PCDHA6: variants seen among roughly 807,000 people sequenced by gnomAD.
PCDHA6 encodes the protein protocadherin alpha 6.
A neutral mutation model predicts 60.3 loss-of-function variants in PCDHA6; 55 were observed. The observed-to-expected ratio is 0.91, with a 90% CI of 0.73 to 1.14. The LOEUF is 1.14. Among genes scored for constraint, PCDHA6 ranks in the 50% most tolerant of loss-of-function variants. PCDHA6 has a pLI of 0.00. For missense variants in PCDHA6, 1,327 were observed against 1,256.5 expected, an observed-to-expected ratio of 1.06 and a Z score of -0.85; for synonymous variants, 652 against 557.9, an observed-to-expected ratio of 1.17 and a Z score of -2.38.
At chr5:140,934,901 T>C (rs1270837168) in intron 1 of PCDHA6, among the ~76,000 whole-genome samples, 1 of 152,192 alleles carries the variant, frequency 6.6e-6, no homozygotes, top group African/African-American at 2.4e-5. Flanking sequence ...CCTTTTATTT[T>C]GGAATAATTA....
rs1358633051 is a variant in PCDHA6, at chr5:140,859,520, T to TA, written c.2394+29043dup. On this transcript the variant is annotated intron_variant, in intron 1 of 3. Coordinates refer to ENST00000529310, the MANE Select transcript of PCDHA6 (RefSeq NM_018909.4). ...TACCTGATACCCATGATTTCATTTT[T>TA]AAAAAAAATTTATTAATTCTAGTGT... 5.7e-5 allele frequency: 11 copies of TA among 194,288 alleles called. 2 individuals are homozygous for TA. The highest frequency in any genetic ancestry group is 1.0e-4 in the Non-Finnish European group (10 of 97,338). The allele number at this position is 194,288 out of a possible 1,614,324, so 12.0% of individuals were successfully genotyped here. A position where few individuals can be genotyped will look rare whatever the true frequency, so the allele number is the denominator to read the frequency against.
chr5:140,849,962 G>T, intron 1 of PCDHA6: 1 of 1,597,888 alleles, frequency 6.3e-7, no homozygotes, highest in Non-Finnish European at 8.6e-7. Flanking sequence ...AGAACGCCCT[G>T]GTGTCCTACT....
intron 1 of PCDHA6, chr5:140,851,169 T>C: frequency 1.6e-6 from 2 of 1,280,288 alleles, no homozygotes; most frequent in Non-Finnish European, 2.0e-6. Flanking sequence ...TATGCTGCCA[T>C]AACACTTGAA....
intron 3 of PCDHA6, among the ~76,000 whole-genome samples, chr5:141,001,760 G>A (rs2098035777): frequency 6.6e-6 from 1 of 152,146 alleles, no homozygotes; most frequent in South Asian, 2.1e-4. Flanking sequence ...GGTTGATGGC[G>A]GATGGTTTTT....
chr5:140,998,596 C>G (rs1301065712), intron 3 of PCDHA6, among the ~76,000 whole-genome samples: 1 of 148,578 alleles, frequency 6.7e-6, no homozygotes, highest in Non-Finnish European at 1.5e-5. Flanking sequence ...CAGAGTTTTG[C>G]TCTTGTTGCC....
intron 1 of PCDHA6, chr5:140,877,301 A>T (rs2057007244): frequency 6.2e-7 from 1 of 1,613,758 alleles, no homozygotes; most frequent in African/African-American, 1.3e-5. Flanking sequence ...CTGTCCTACG[A>T]GTTGCAACCG....
chr5:140,835,558 G>A (rs1359916127), intron 1 of PCDHA6: 13 of 1,613,894 alleles, frequency 8.1e-6, no homozygotes, highest in Non-Finnish European at 1.0e-5. Context: ...CTGACGCCCC[G>A]CGTTCCCTTC....
chr5:141,011,894 TATC>T lies in PCDHA6; in HGVS notation c.*1958_*1960del, dbSNP rs1554263691. 6.5e-6 allele frequency: 1 copy of T among 153,306 alleles called. No individual in the cohort carries two copies. The highest frequency in any genetic ancestry group is 2.4e-5 in the African/African-American group (1 of 41,080). 9.5% of individuals were successfully genotyped at this position (153,306 alleles called of 1,614,324 possible). On this transcript the variant is annotated 3_prime_UTR_variant, in exon 4 of 4. Transcript: ENST00000529310. Reference sequence around the variant, plus strand: ...AATTTAGAAGTTTGATTAATTATATTATCTATTTAGGCATTAATATAAAAGAGG... The same window carrying T: ...AATTTAGAAGTTTGATTAATTATATTTATTTAGGCATTAATATAAAAGAGG...
chr5:140,875,984 C>T (rs2056022183), intron 1 of PCDHA6: 1 of 1,613,870 alleles, frequency 6.2e-7, no homozygotes, highest in East Asian at 2.2e-5. Flanking sequence ...TTGACCTATG[C>T]GTTAAGTCTA....
intron 1 of PCDHA6, chr5:140,854,159 C>CA (rs59855104): frequency 0.067 from 22,471 of 337,648 alleles, 281 homozygotes; most frequent in African/African-American, 0.075. Flanking sequence ...GATTCTGTCT[C>CA]AAAAAAAAAA....
intron 1 of PCDHA6, among the ~76,000 whole-genome samples, chr5:140,959,643 G>A (rs246006): frequency 0.56 from 85,684 of 152,026 alleles, 24,754 homozygotes; most frequent in African/African-American, 0.69. Flanking sequence ...AAAAAACACA[G>A]AAGCAAAATT....
At chr5:141,006,105 G>GT (rs79904017) in intron 3 of PCDHA6, among the ~76,000 whole-genome samples, 4,283 of 143,138 alleles carry the variant, frequency 0.03, 125 homozygotes, top group African/African-American at 0.081. Flanking sequence ...ATGGTAAGGA[G>GT]TTTTTTTTTT....
At chr5:140,870,001 G>A (rs782788057) in intron 1 of PCDHA6, 1 of 1,613,566 alleles carries the variant, frequency 6.2e-7, no homozygotes, top group Non-Finnish European at 8.5e-7. Flanking sequence ...AAATAATGGA[G>A]AAGTGAGGGT....
At chr5:140,970,862 T>C (rs2153787404) in intron 1 of PCDHA6, among the ~76,000 whole-genome samples, 1 of 152,312 alleles carries the variant, frequency 6.6e-6, no homozygotes, top group South Asian at 2.1e-4. Flanking sequence ...GTTCCATTCC[T>C]GATTGAGAGT....
rs181275532 is a variant in PCDHA6, at chr5:140,900,911, A to G, written c.2394+70426A>G. Among the ~76,000 whole-genome samples the G allele has an allele frequency of 2.3e-4, 35 of 152,252 alleles. 1 individual carries two copies. Among genetic ancestry groups the G allele is most frequent in the Admixed American group, 6.5e-4 (10 of 15,284 alleles). ...GGATAAAAGCCATTTTAACTGTGGTAAGATGATATCTCATTGTAGTTTTGA... is the reference window on the plus strand; with the variant it reads ...GGATAAAAGCCATTTTAACTGTGGTGAGATGATATCTCATTGTAGTTTTGA... On this transcript the variant is annotated intron_variant, in intron 1 of 3. Coordinates refer to ENST00000529310, the MANE Select transcript of PCDHA6 (RefSeq NM_018909.4).
chr5:140,990,562 C>T (rs2097400496), intron 3 of PCDHA6, among the ~76,000 whole-genome samples: 1 of 152,210 alleles, frequency 6.6e-6, no homozygotes, highest in Non-Finnish European at 1.5e-5. Context: ...CAAGAACACA[C>T]ACCTGTTCGA....
intron 1 of PCDHA6, chr5:140,836,307 G>T: frequency 6.2e-7 from 1 of 1,613,740 alleles, no homozygotes; most frequent in Non-Finnish European, 8.5e-7. Context: ...TGAGACGGAC[G>T]CACCGCGCCA....
At chr5:140,882,307 A>C in intron 1 of PCDHA6, 2 of 1,613,900 alleles carry the variant, frequency 1.2e-6, no homozygotes, top group Non-Finnish European at 1.7e-6. Context: ...GACCGCGGCA[A>C]CTACTGCTCT....
At chr5:140,907,773 G>C (rs2073598085) in intron 1 of PCDHA6, among the ~76,000 whole-genome samples, 1 of 152,200 alleles carries the variant, frequency 6.6e-6, no homozygotes, top group Admixed American at 6.5e-5. Flanking sequence ...GGTGATGACA[G>C]GGGTGGCTGG....
Sources: allele counts gnomAD v4.1 joint callset (sites outside exome capture counted in the v4.1 genomes callset), GRCh38; gene constraint gnomAD v4.1.1; transcripts MANE v1.5; gene names NCBI Gene and HGNC (gene_info 2026-07-23, HGNC 2026-07-21).